The following GALNT10 variants were observed in gnomAD, a reference collection of about 807,000 sequenced individuals.
The protein encoded by GALNT10 is polypeptide N-acetylgalactosaminyltransferase 10.
In GALNT10, 41 loss-of-function variants were observed where a neutral mutation model predicts 75.0. That is an observed-to-expected ratio of 0.55 (90% CI 0.43 to 0.71). GALNT10 has a LOEUF of 0.71. GALNT10 is among the 30% of genes least tolerant of loss of function. The probability of loss-of-function intolerance (pLI) is 0.00; values close to 1 mark genes in which losing one functional copy is unlikely to be tolerated. For synonymous variants in GALNT10, 302 were observed against 313.0 expected, an observed-to-expected ratio of 0.96 and a Z score of 0.37; for missense variants, 727 against 818.5, an observed-to-expected ratio of 0.89 and a Z score of 1.36.
chr5:154,368,566 A>G (rs1388090788), intron 4 of GALNT10, among the ~76,000 whole-genome samples: 1 of 152,222 alleles, frequency 6.6e-6, no homozygotes, highest in Non-Finnish European at 1.5e-5. Context: ...ACTCATGTCA[A>G]AGGAAAACAA....
chr5:154,292,339 A>G (rs568485466), intron 1 of GALNT10, among the ~76,000 whole-genome samples: 62 of 152,320 alleles, frequency 4.1e-4, no homozygotes, highest in African/African-American at 1.4e-3. Context: ...ATTTCTGGCA[A>G]GTTCCCAGGT....
chr5:154,356,291 G>A, intron 4 of GALNT10: 1 of 442,472 alleles, frequency 2.3e-6, no homozygotes, highest in East Asian at 7.0e-5. Flanking sequence ...CATGTGAGAG[G>A]AAATACATAG....
At chr5:154,315,919 C>T (rs968888262) in intron 3 of GALNT10, among the ~76,000 whole-genome samples, 19 of 152,204 alleles carry the variant, frequency 1.2e-4, no homozygotes. Flanking sequence ...ACCTACAAGT[C>T]CATTTTATAA....
chr5:154,235,729 C>T (rs1406399986), intron 1 of GALNT10, among the ~76,000 whole-genome samples: 1 of 152,162 alleles, frequency 6.6e-6, no homozygotes, highest in African/African-American at 2.4e-5. Flanking sequence ...TGTTAGTACT[C>T]AACTTGAAAA....
intron 4 of GALNT10, among the ~76,000 whole-genome samples, chr5:154,361,969 G>C (rs1294094943): frequency 6.6e-6 from 1 of 152,096 alleles, no homozygotes; most frequent in African/African-American, 2.4e-5. Context: ...TGGGTGATGT[G>C]GGTCATCTAT....
chr5:154,338,714 A>G (rs60717019), intron 4 of GALNT10, among the ~76,000 whole-genome samples: 2,022 of 152,322 alleles, frequency 0.013, 41 homozygotes, highest in African/African-American at 0.047. Flanking sequence ...AACTTTTTAC[A>G]GTCCCTTCCC....
chr5:154,404,950 T>G (rs1756243044), intron 8 of GALNT10, among the ~76,000 whole-genome samples: 1 of 152,240 alleles, frequency 6.6e-6, no homozygotes, highest in African/African-American at 2.4e-5. Context: ...AGCCAGAGTT[T>G]GTTTTTGGTT....
chr5:154,279,382 C>T (rs1218631253), intron 1 of GALNT10, among the ~76,000 whole-genome samples: 4 of 149,406 alleles, frequency 2.7e-5, no homozygotes, highest in Non-Finnish European at 5.9e-5. Flanking sequence ...CGGCTCACCA[C>T]AACCTCCGCC....
At chr5:154,303,715 C>A (rs890857143) in intron 3 of GALNT10, among the ~76,000 whole-genome samples, 27 of 152,150 alleles carry the variant, frequency 1.8e-4, no homozygotes, top group African/African-American at 5.6e-4. Context: ...CCAAAAGGAT[C>A]AAACTGTTTC....
At chr5:154,362,719 T>G (rs1225860198) in intron 4 of GALNT10, among the ~76,000 whole-genome samples, 1 of 152,220 alleles carries the variant, frequency 6.6e-6, no homozygotes, top group Non-Finnish European at 1.5e-5. Context: ...TTTTTTATGG[T>G]TAGCATAGTA....
At chr5:154,341,105 C>T (rs375126087) in intron 4 of GALNT10, among the ~76,000 whole-genome samples, 2 of 152,052 alleles carry the variant, frequency 1.3e-5, no homozygotes, top group African/African-American at 2.4e-5. Flanking sequence ...GAAATAGACA[C>T]GTGTTAAGGC....
At position 154,412,929 on chromosome 5, in the gene GALNT10, A is replaced by G; in HGVS notation, c.1427A>G (p.His476Arg). 6.2e-7 allele frequency: 1 copy of G among 1,613,790 alleles called. No homozygotes were observed. The highest frequency in any genetic ancestry group is 8.5e-7 in the Non-Finnish European group (1 of 1,179,812). Residue 476 changes from histidine to arginine, a missense_variant, in exon 10 of 12, where the codon CAC becomes CGC. Transcript: ENST00000297107. The surrounding 1 kb of genome is among the most constrained non-coding windows in gnomAD (Gnocchi z 4.2). Reference protein sequence around the residue: ...VGTGLCADTKHGALGSPLRLE... With the variant: ...VGTGLCADTKRGALGSPLRLE... The stretch of plus-strand genomic sequence containing the variant: ...ACAGGGCTGTGTGCAGACACAAAGC[A>G]CGGGGCCTTGGGCTCCCCACTAAGG...
At position 154,388,017 on chromosome 5, in the gene GALNT10, G is replaced by T. The variant is rs1054131705; in HGVS notation, c.1056+1587G>T. On this transcript the variant is annotated intron_variant, in intron 7 of 11. Coordinates refer to ENST00000297107, the MANE Select transcript of GALNT10 (RefSeq NM_198321.4). ...CCTCCTGGGTTCAAGTGATTCTCCT[G>T]CCTCAGCCTCCTGAGTAGCTGGGAC... is the stretch of plus-strand genomic sequence containing the variant. The T allele has an allele frequency of 4.0e-5, 6 of 151,196 alleles. No homozygotes were observed. The East Asian group carries it at 1.2e-3, about 30-fold the overall frequency. 9.4% of individuals were successfully genotyped at this position (151,196 alleles called of 1,614,324 possible). A position where few individuals can be genotyped will look rare whatever the true frequency, so the allele number is the denominator to read the frequency against.
At position 154,420,269 on chromosome 5, in the gene GALNT10, T is replaced by C. The variant is rs1270206389; in HGVS notation, c.*3297T>C. 1 of 152,246 alleles carries C rather than the reference T, an allele frequency of 6.6e-6. No individual in the cohort carries two copies. The allele number at this position is 152,246 out of a possible 1,614,324, so 9.4% of individuals were successfully genotyped here. ...AGATGTAACAAATGGATTTCCAAAGTCTACATGACATTCACTTTTCAAACT... is the reference window on the plus strand; with the variant it reads ...AGATGTAACAAATGGATTTCCAAAGCCTACATGACATTCACTTTTCAAACT... On this transcript the variant is annotated 3_prime_UTR_variant, in exon 12 of 12. Transcript: ENST00000297107.
At chr5:154,308,257 G>A (rs1423315989) in intron 3 of GALNT10, among the ~76,000 whole-genome samples, 1 of 151,992 alleles carries the variant, frequency 6.6e-6, no homozygotes, top group Non-Finnish European at 1.5e-5. Flanking sequence ...AAAATGGTGG[G>A]GAATCAGAAG....
intron 4 of GALNT10, among the ~76,000 whole-genome samples, chr5:154,371,963 A>G (rs1352058750): frequency 1.3e-5 from 2 of 152,156 alleles, no homozygotes; most frequent in Non-Finnish European, 2.9e-5. Flanking sequence ...TTCGCTTCCA[A>G]ATCATCCCGT....
intron 7 of GALNT10, among the ~76,000 whole-genome samples, chr5:154,400,527 C>T (rs1165189500): frequency 1.3e-5 from 2 of 152,150 alleles, no homozygotes; most frequent in African/African-American, 4.8e-5. Flanking sequence ...GTCACAGGCC[C>T]CAGGTGGAGC....
rs528926781 is a variant in GALNT10 at position 154,202,887 on chromosome 5, C to T, written c.159+11862C>T. 3.9e-5 allele frequency among the ~76,000 whole-genome samples: 6 copies of T among 152,242 alleles called. No individual in the cohort carries two copies. In the South Asian group the frequency reaches 1.2e-3, roughly 32 times the overall value. On this transcript the variant is annotated intron_variant, in intron 1 of 11. Transcript: ENST00000297107. The stretch of plus-strand genomic sequence containing the variant: ...GCCTGGGGTGTGCCTCTCTGCTTCT[C>T]CCTTTCGCAGCCTAGACCCCCCTCG...
intron 1 of GALNT10, among the ~76,000 whole-genome samples, chr5:154,204,193 T>C (rs1050537550): frequency 3.9e-5 from 6 of 152,190 alleles, no homozygotes; most frequent in Non-Finnish European, 7.3e-5. Context: ...ATGTAAGCTG[T>C]GTTAATTGGG....
Sources: gnomAD v4.1 joint callset for allele counts (sites outside exome capture counted in the v4.1 genomes callset) on GRCh38, gnomAD v4.1.1 for gene constraint, Gnocchi (gnomAD v3.1) non-coding constraint, MANE v1.5 for transcripts, NCBI Gene and HGNC (gene_info 2026-07-23, HGNC 2026-07-21) for gene names.